The following DLG2 variants were observed in gnomAD, a reference collection of about 807,000 sequenced individuals.
The protein encoded by DLG2 is disks large homolog 2.
In DLG2, 45 loss-of-function variants were observed where a neutral mutation model predicts 132.5. The ratio of observed to expected loss-of-function variants is 0.34; its 90% CI spans 0.27 to 0.44. The LOEUF (loss-of-function observed/expected upper bound fraction) is 0.44. Ranked by LOEUF, DLG2 falls within the 20% of genes least tolerant of loss-of-function variation. The pLI is 1.00. For missense variants in DLG2, 1,045 were observed against 1,196.9 expected, an observed-to-expected ratio of 0.87 and a Z score of 1.87; for synonymous variants, 424 against 419.6, an observed-to-expected ratio of 1.01 and a Z score of -0.13.
At chr11:84,336,943 C>T (rs2098487778) in intron 7 of DLG2, among the ~76,000 whole-genome samples, 1 of 152,178 alleles carries the variant, frequency 6.6e-6, no homozygotes. Context: ...TCCCTCACTC[C>T]TATATACACA....
In DLG2 at chr11:83,489,702, A is replaced by AC. The variant is rs149747954; in HGVS notation, c.2194-5475dup. Among the ~76,000 whole-genome samples, 109 of 152,016 alleles carry AC rather than the reference A, an allele frequency of 7.2e-4. 3 individuals are homozygous for AC. The South Asian group carries it at 0.022, about 31-fold the overall frequency. On this transcript the variant is annotated intron_variant, in intron 21 of 27. Transcript: ENST00000376104. ...TATGGGAGGGATGTAGTACTTATGT[A>AC]CCCCCTGAGTATATTGTGAAGGTAG...
At chr11:84,736,441 T>C (rs774626401) in intron 6 of DLG2, among the ~76,000 whole-genome samples, 6 of 151,932 alleles carry the variant, frequency 3.9e-5, no homozygotes. Context: ...ATTTTGATTG[T>C]GTGGAATTGT....
chr11:85,388,684 A>G (rs2086550966), intron 3 of DLG2, among the ~76,000 whole-genome samples: 1 of 152,182 alleles, frequency 6.6e-6, no homozygotes, highest in South Asian at 2.1e-4. Context: ...CTCTTTGCAG[A>G]CACTACCCAG....
In DLG2 at chr11:84,534,643, A is replaced by G. The variant is rs753907121; in HGVS notation, c.446T>C (p.Val149Ala). 1 of 1,614,068 alleles carries G rather than the reference A, an allele frequency of 6.2e-7. No individual in the cohort carries two copies. Among genetic ancestry groups the G allele is most frequent in the Admixed American group, 1.7e-5 (1 of 60,030 alleles). The change falls in exon 7 of 28, where the codon GTA (valine) becomes GCA (alanine). Residue 149 changes from valine (V) to alanine (A), a missense_variant. By Grantham distance (64) the Val-to-Ala change is moderately conservative. Coordinates refer to ENST00000376104, the MANE Select transcript of DLG2 (RefSeq NM_001142699.3). ...TATTTGAGAGAGGTTCTTTTCTGAT[A>G]CATGCACGAGTTCTGGGCCTCTTAC... Reference protein sequence around the residue: ...HEVRGPELVHVSEKNLSQIEN... With the variant: ...HEVRGPELVHASEKNLSQIEN...
At chr11:84,301,698 G>C (rs536991083) in intron 7 of DLG2, among the ~76,000 whole-genome samples, 1 of 150,516 alleles carries the variant, frequency 6.6e-6, no homozygotes, top group Non-Finnish European at 1.5e-5. Flanking sequence ...ACAGATGCTG[G>C]AGAGGATGTG....
At chr11:85,464,437 A>G (rs1011261013) in intron 3 of DLG2, among the ~76,000 whole-genome samples, 1 of 152,124 alleles carries the variant, frequency 6.6e-6, no homozygotes, top group Non-Finnish European at 1.5e-5. Flanking sequence ...ATTGTTGGGG[A>G]TGAAATCATA....
rs368706832 is a variant in DLG2, at chr11:85,324,965, G to A, written c.41-39600C>T. On this transcript the variant is annotated intron_variant, in intron 3 of 27. Transcript: ENST00000376104. ...CGAGGCATTGCCTCACCTGGGAAGC[G>A]CAAGGGGTCAGGGAGTTCCCTTTCC... is the stretch of plus-strand genomic sequence containing the variant. Among the ~76,000 whole-genome samples, 87 of 147,370 alleles carry A rather than the reference G, an allele frequency of 5.9e-4. 1 individual carries two copies. The highest frequency in any genetic ancestry group is 1.9e-3 in the African/African-American group (73 of 39,404).
intron 15 of DLG2, among the ~76,000 whole-genome samples, chr11:83,923,969 T>C (rs941746915): frequency 6.6e-6 from 1 of 152,086 alleles, no homozygotes; most frequent in Non-Finnish European, 1.5e-5. Flanking sequence ...TGCCTTTTTC[T>C]CCAACCTTAT....
intron 22 of DLG2, among the ~76,000 whole-genome samples, chr11:83,478,021 TCAATCTATCTTAGTAC>T (rs1361259133): frequency 6.6e-6 from 1 of 152,064 alleles, no homozygotes; most frequent in Non-Finnish European, 1.5e-5. Flanking sequence ...GAGCCAGACA[TCAATCTATCTTAGTAC>T]CTGTCACACT....
At chr11:84,594,786 G>A (rs762841197) in intron 6 of DLG2, among the ~76,000 whole-genome samples, 1 of 152,188 alleles carries the variant, frequency 6.6e-6, no homozygotes. Context: ...GACTAGTTTA[G>A]AGCCTACTGC....
At chr11:85,148,086 T>C (rs1387263054) in intron 5 of DLG2, among the ~76,000 whole-genome samples, 1 of 152,194 alleles carries the variant, frequency 6.6e-6, no homozygotes, top group Non-Finnish European at 1.5e-5. Context: ...CATTATCTCA[T>C]TCCTTTCTAT....
chr11:83,735,394 T>A (rs770846872), intron 18 of DLG2, among the ~76,000 whole-genome samples: 8 of 152,206 alleles, frequency 5.3e-5, no homozygotes, highest in African/African-American at 1.4e-4. Flanking sequence ...ATCCTCCCAG[T>A]TTGGGGGCAA....
At chr11:84,231,383 C>G (rs1409636010) in intron 8 of DLG2, among the ~76,000 whole-genome samples, 1 of 152,160 alleles carries the variant, frequency 6.6e-6, no homozygotes, top group African/African-American at 2.4e-5. Context: ...TTTTGTCACT[C>G]TTACTTTGGG....
rs115039819 is a variant in DLG2, at chr11:85,569,284, G to A, written c.40+29373C>T. 7.6e-3 allele frequency among the ~76,000 whole-genome samples: 1,152 copies of A among 152,100 alleles called. 10 individuals carry two copies. Among genetic ancestry groups the A allele is most frequent in the African/African-American group, 0.025 (1,020 of 41,496 alleles). On this transcript the variant is annotated intron_variant, in intron 3 of 27. Transcript: ENST00000376104. ...TGACCTCAGGTGATCTGCCCTACTCGGCTTCTCAAAGTGCTGGGATTACAG... is the reference window on the plus strand; with the variant it reads ...TGACCTCAGGTGATCTGCCCTACTCAGCTTCTCAAAGTGCTGGGATTACAG...
At chr11:85,465,462 C>G (rs905993500) in intron 3 of DLG2, among the ~76,000 whole-genome samples, 13 of 152,112 alleles carry the variant, frequency 8.5e-5, no homozygotes, top group Non-Finnish European at 1.2e-4. Flanking sequence ...CCGCTCCCCC[C>G]ACCCCACAAC....
At chr11:83,621,165 C>T (rs1257912914) in intron 19 of DLG2, among the ~76,000 whole-genome samples, 1 of 151,994 alleles carries the variant, frequency 6.6e-6, no homozygotes, top group African/African-American at 2.4e-5. Flanking sequence ...TATTAAAGAG[C>T]AACCAATTCA....
At chr11:84,992,707 C>G (rs2057254690) in intron 6 of DLG2, among the ~76,000 whole-genome samples, 1 of 152,114 alleles carries the variant, frequency 6.6e-6, no homozygotes, top group African/African-American at 2.4e-5. Context: ...TGAGAAGTGT[C>G]TGTTCATATC....
chr11:83,897,498 G>A (rs1020691571), intron 15 of DLG2, among the ~76,000 whole-genome samples: 1 of 152,182 alleles, frequency 6.6e-6, no homozygotes, highest in South Asian at 2.1e-4. Flanking sequence ...TATTTTAAAT[G>A]TTAAATTACT....
At chr11:84,517,592 T>A (rs1372266223) in intron 7 of DLG2, among the ~76,000 whole-genome samples, 1 of 151,952 alleles carries the variant, frequency 6.6e-6, no homozygotes, top group Non-Finnish European at 1.5e-5. Flanking sequence ...ATATAGAGCT[T>A]CTTCAAAAAA....
Sources: allele counts gnomAD v4.1 joint callset (sites outside exome capture counted in the v4.1 genomes callset), GRCh38; gene constraint gnomAD v4.1.1; transcripts MANE v1.5; gene names NCBI Gene and HGNC (gene_info 2026-07-23, HGNC 2026-07-21).